The following RMDN2 variants were observed in gnomAD, a reference collection of about 807,000 sequenced individuals.
RMDN2 encodes the protein regulator of microtubule dynamics protein 2.
A neutral mutation model predicts 52.8 loss-of-function variants in RMDN2; 61 were observed. That is an observed-to-expected ratio of 1.16 (90% confidence interval 0.94 to 1.43). The LOEUF (loss-of-function observed/expected upper bound fraction) is 1.43, where lower values mean the gene tolerates loss of function less well. Ranked by LOEUF, RMDN2 falls within the 40% of genes most tolerant of loss-of-function variation. The pLI, the probability that RMDN2 is intolerant of heterozygous loss-of-function variation, is 0.00. For synonymous variants in RMDN2, 180 were observed against 153.1 expected, an observed-to-expected ratio of 1.18 and a Z score of -1.30; for missense variants, 592 against 475.3, an observed-to-expected ratio of 1.25 and a Z score of -2.28.
Position 37,974,192 on chromosome 2 carries a change from T to C in RMDN2, c.605T>C (p.Leu202Pro). 6.2e-7 allele frequency: 1 copy of C among 1,611,342 alleles called. No individual in the cohort carries two copies. The highest frequency in any genetic ancestry group is 8.5e-7 in the Non-Finnish European group (1 of 1,178,904). Reference sequence around the variant, plus strand: ...TCTGGCAAGTCGGAGAGTTTTGAACTACTTCGTGACCACAAAGAAAAGGTA... The same window carrying C: ...TCTGGCAAGTCGGAGAGTTTTGAACCACTTCGTGACCACAAAGAAAAGGTA... ...SESGKSESFE[L>P]LRDHKEKFRD... Residue 202 changes from leucine (L) to proline (P), a missense_variant, in exon 3 of 11, where the codon CTA (leucine) becomes CCA (proline). Physicochemically the swap from Leu to Pro is moderately conservative, Grantham distance 98. Coordinates refer to ENST00000354545, the MANE Select transcript of RMDN2 (RefSeq NM_001170791.3).
At chr2:37,972,101 C>T (rs1263591214) in intron 2 of RMDN2, among the ~76,000 whole-genome samples, 2 of 152,062 alleles carry the variant, frequency 1.3e-5, no homozygotes, top group Non-Finnish European at 2.9e-5. Flanking sequence ...ATTTGATATT[C>T]TCTGAGGTCA....
At chr2:38,022,981 G>C (rs563114706) in intron 10 of RMDN2, among the ~76,000 whole-genome samples, 1 of 152,284 alleles carries the variant, frequency 6.6e-6, no homozygotes, top group Non-Finnish European at 1.5e-5. Context: ...GCCCGGGGCT[G>C]TTTATGTTTA....
intron 2 of RMDN2, among the ~76,000 whole-genome samples, chr2:37,968,648 T>A (rs1050584474): frequency 6.6e-6 from 1 of 152,132 alleles, no homozygotes; most frequent in African/African-American, 2.4e-5. Flanking sequence ...AAACAGTTGA[T>A]CATGCAGAGT....
At chr2:37,932,979 C>T (rs1341240541) in intron 2 of RMDN2, among the ~76,000 whole-genome samples, 19 of 150,460 alleles carry the variant, frequency 1.3e-4, no homozygotes, top group African/African-American at 3.9e-4. Flanking sequence ...ACTTCCCAGA[C>T]GGGGTGGCTG....
intron 2 of RMDN2, among the ~76,000 whole-genome samples, chr2:37,962,910 T>C (rs1179712674): frequency 6.6e-6 from 1 of 152,154 alleles, no homozygotes. Context: ...GATAGCACAG[T>C]CTCTCATGGC....
upstream of RMDN2, among the ~76,000 whole-genome samples, chr2:37,922,910 A>G (rs993908325): frequency 2.0e-5 from 3 of 152,222 alleles, no homozygotes; most frequent in African/African-American, 7.2e-5. Flanking sequence ...CTAGTGCTGA[A>G]GTGTAGAATG....
At chr2:38,035,053 G>C (rs1483097935) in intron 10 of RMDN2, among the ~76,000 whole-genome samples, 1 of 152,058 alleles carries the variant, frequency 6.6e-6, no homozygotes, top group African/African-American at 2.4e-5. Flanking sequence ...ACAGAATATG[G>C]TAAGTATCAT....
chr2:38,027,551 A>G (rs1326225209), intron 10 of RMDN2, among the ~76,000 whole-genome samples: 2 of 152,218 alleles, frequency 1.3e-5, no homozygotes, highest in Non-Finnish European at 2.9e-5. Context: ...AATGTTTCAA[A>G]TGCTTCCACT....
intron 10 of RMDN2, among the ~76,000 whole-genome samples, chr2:38,034,140 T>C (rs1680413168): frequency 6.6e-6 from 1 of 152,242 alleles, no homozygotes; most frequent in Non-Finnish European, 1.5e-5. Context: ...GGCAAGGCAG[T>C]GGGTCTTTAG....
chr2:37,938,651 G>A (rs13001201), intron 2 of RMDN2, among the ~76,000 whole-genome samples: 76,490 of 151,954 alleles, frequency 0.5, 19,569 homozygotes, highest in South Asian at 0.6. Flanking sequence ...GAATTTATCC[G>A]TTTCTTGTAG....
chr2:37,957,457 T>A lies in RMDN2; in HGVS notation c.453-16583T>A, dbSNP rs370363768. ...TTGTTGGCTGCTTTTAAGAAGTGTC[T>A]GTTGATATCCTTCACCCACTTTTTG... On this transcript the variant is annotated intron_variant, in intron 2 of 10. Coordinates refer to ENST00000354545, the MANE Select transcript of RMDN2 (RefSeq NM_001170791.3). Among the ~76,000 whole-genome samples, 10 of 152,376 alleles carry A rather than the reference T, an allele frequency of 6.6e-5. No individual in the cohort carries two copies. The East Asian group carries it at 1.7e-3, about 26-fold the overall frequency.
At chr2:37,932,624 TC>T (rs1276553013) in intron 2 of RMDN2, among the ~76,000 whole-genome samples, 1 of 150,834 alleles carries the variant, frequency 6.6e-6, no homozygotes, top group Non-Finnish European at 1.5e-5. Context: ...GCTCCTCACT[TC>T]CCAGTAGGGG....
chr2:38,005,544 G>A (rs1676958462), intron 10 of RMDN2, among the ~76,000 whole-genome samples: 1 of 151,966 alleles, frequency 6.6e-6, no homozygotes, highest in Non-Finnish European at 1.5e-5. Context: ...CTTTTTGATG[G>A]GGTTGTTTGT....
chr2:38,042,109 T>C (rs1172913249), intron 10 of RMDN2, among the ~76,000 whole-genome samples: 1 of 152,174 alleles, frequency 6.6e-6, no homozygotes, highest in Non-Finnish European at 1.5e-5. Flanking sequence ...ATTTATTATT[T>C]ATTGCATTTC....
intron 10 of RMDN2, among the ~76,000 whole-genome samples, chr2:38,028,948 C>G (rs969319224): frequency 6.6e-6 from 1 of 152,110 alleles, no homozygotes; most frequent in African/African-American, 2.4e-5. Flanking sequence ...GCCATGGCTC[C>G]CTCAAACCAC....
In RMDN2 at chr2:37,950,344, A is replaced by G. The variant is rs545556212; in HGVS notation, c.452+20615A>G. On this transcript the variant is annotated intron_variant, in intron 2 of 10. Coordinates refer to ENST00000354545, the MANE Select transcript of RMDN2 (RefSeq NM_001170791.3). ...CAGTGAAGGTAGAAACACATTCCAC[A>G]GCCATGTGAATTCCAACTTCGGAGA... The G allele has an allele frequency of 2.5e-5, 27 of 1,067,676 alleles. 2 individuals are homozygous for G. The South Asian group carries it at 4.0e-4, about 16-fold the overall frequency. The allele number at this position is 1,067,676 out of a possible 1,614,324, so 66.1% of individuals were successfully genotyped here.
chr2:37,988,263 G>T (rs1479749159), intron 5 of RMDN2, among the ~76,000 whole-genome samples: 2 of 152,174 alleles, frequency 1.3e-5, no homozygotes, highest in Non-Finnish European at 2.9e-5. Flanking sequence ...CTGTTAATCT[G>T]CTTTTCTTGA....
At chr2:38,004,885 TC>T (rs1162018699) in intron 10 of RMDN2, among the ~76,000 whole-genome samples, 1 of 151,904 alleles carries the variant, frequency 6.6e-6, no homozygotes, top group Non-Finnish European at 1.5e-5. Context: ...TGTGTGATGT[TC>T]CCGTTCCTGC....
intron 2 of RMDN2, among the ~76,000 whole-genome samples, chr2:37,959,416 G>A (rs1010892125): frequency 1.3e-5 from 2 of 150,982 alleles, no homozygotes; most frequent in East Asian, 3.9e-4. Flanking sequence ...TCCATTTCTT[G>A]TAGATTTTCT....
Sources: gnomAD v4.1 joint callset for allele counts (sites outside exome capture counted in the v4.1 genomes callset) on GRCh38, gnomAD v4.1.1 for gene constraint, MANE v1.5 for transcripts, NCBI Gene and HGNC (gene_info 2026-07-23, HGNC 2026-07-21) for gene names.